The following F13A1 variants were observed in gnomAD, a reference collection of about 807,000 sequenced individuals.
F13A1 encodes FSF, A subunit.
In F13A1, 47 loss-of-function variants were observed where a neutral mutation model predicts 80.1. The observed-to-expected ratio is 0.59, with a 90% CI of 0.46 to 0.75. The LOEUF (loss-of-function observed/expected upper bound fraction) is 0.75, where lower values mean the gene tolerates loss of function less well. Among genes scored for constraint, F13A1 ranks in the 30% least tolerant of loss-of-function variants. The pLI is 0.00. For missense variants in F13A1, 817 were observed against 930.4 expected (o/e 0.88, Z 1.59); for synonymous variants, 349 against 344.9 (o/e 1.01, Z -0.13).
At chr6:6,291,092 A>G (rs1162391546) in intron 3 of F13A1, among the ~76,000 whole-genome samples, 2 of 152,120 alleles carry the variant, frequency 1.3e-5, no homozygotes, top group Non-Finnish European at 2.9e-5. Context: ...CTAAGACCCT[A>G]TAGCACCTGC....
At position 6,224,816 on chromosome 6, in the gene F13A1, G is replaced by A. The variant is rs953143347; in HGVS notation, c.843C>T (p.Asp281=). 1 of 1,614,058 alleles carries A rather than the reference G, an allele frequency of 6.2e-7. No individual in the cohort carries two copies. The highest frequency in any genetic ancestry group is 8.5e-7 in the Non-Finnish European group (1 of 1,179,966). The stretch of plus-strand genomic sequence containing the variant: ...GGGGGACGCCATAGGCATAGATATT[G>A]TCCCAGGATCCAACGAGGACACCTT... The part of the protein sequence containing the change: ...DDEGVLVGSW[D]NIYAYGVPPS... The change falls in exon 7 of 15, where the codon GAC becomes GAT. Residue 281 remains aspartate (D), a synonymous_variant. Transcript: ENST00000264870.
At chr6:6,164,417 A>G (rs751632586) in intron 13 of F13A1, among the ~76,000 whole-genome samples, 17 of 152,054 alleles carry the variant, frequency 1.1e-4, no homozygotes, top group Non-Finnish European at 2.1e-4. Context: ...ATGTAACAAT[A>G]TGTACAGCAA....
rs989678969 is a variant in F13A1 at position 6,318,802 on chromosome 6, C to T, written c.-18-120G>A. 27 of 1,081,796 alleles carry T rather than the reference C, an allele frequency of 2.5e-5. No homozygotes were observed. In the Middle Eastern group the frequency reaches 6.5e-4, roughly 26 times the overall value. 67.0% of individuals were successfully genotyped at this position (1,081,796 alleles called of 1,614,324 possible). ...TGTGTGTGATAGCACTTGAGCAACA[C>T]ATTTTGCCGTTTGCATAAATAAAAA... On this transcript the variant is annotated intron_variant, in intron 1 of 14. Transcript: ENST00000264870.
At chr6:6,160,172 G>C (rs1164958639) in intron 13 of F13A1, among the ~76,000 whole-genome samples, 1 of 151,258 alleles carries the variant, frequency 6.6e-6, no homozygotes, top group Non-Finnish European at 1.5e-5. Context: ...AGCTACTTGG[G>C]AGACTGAGGT....
chr6:6,231,030 C>G (rs1167957521), intron 6 of F13A1, among the ~76,000 whole-genome samples: 1 of 152,084 alleles, frequency 6.6e-6, no homozygotes, highest in African/African-American at 2.4e-5. Context: ...CAACACCCCC[C>G]AAAAATCACA....
At chr6:6,234,841 A>G (rs1404110792) in intron 6 of F13A1, among the ~76,000 whole-genome samples, 3 of 152,008 alleles carry the variant, frequency 2.0e-5, no homozygotes, top group Non-Finnish European at 4.4e-5. Context: ...CTTTCCTATT[A>G]AAGTAAAATT....
rs139780501 is a variant in F13A1 at position 6,157,186 on chromosome 6, T to G, written c.1909-5237A>C. Among the ~76,000 whole-genome samples the G allele has an allele frequency of 3.5e-3, 528 of 152,306 alleles. 4 individuals are homozygous for G. Among genetic ancestry groups the G allele is most frequent in the African/African-American group, 0.012 (481 of 41,570 alleles). On this transcript the variant is annotated intron_variant, in intron 13 of 14. Transcript: ENST00000264870. The stretch of plus-strand genomic sequence containing the variant: ...AGTGTTTACTTAGTAATGCAGGCAT[T>G]CTGTTCATCAGTTTACTTACACTAC...
chr6:6,226,353 C>T (rs1414288299), intron 6 of F13A1, among the ~76,000 whole-genome samples: 5 of 152,176 alleles, frequency 3.3e-5, no homozygotes, highest in African/African-American at 9.7e-5. Context: ...TCCCAGAACT[C>T]TTGAATAAGA....
chr6:6,294,562 G>A (rs531993547), intron 3 of F13A1, among the ~76,000 whole-genome samples: 4 of 149,024 alleles, frequency 2.7e-5, no homozygotes, highest in South Asian at 2.1e-4. Flanking sequence ...ATACACACAC[G>A]TATATGTACA....
intron 3 of F13A1, among the ~76,000 whole-genome samples, chr6:6,271,860 C>T (rs1217915769): frequency 6.6e-6 from 1 of 152,232 alleles, no homozygotes; most frequent in East Asian, 1.9e-4. Flanking sequence ...TGTCCCTTTA[C>T]TGAGGGCCTC....
At chr6:6,311,424 T>C (rs2755414) in intron 2 of F13A1, among the ~76,000 whole-genome samples, 110,238 of 150,948 alleles carry the variant, frequency 0.73, 40,623 homozygotes, top group East Asian at 0.86. Context: ...TGTTTCACAT[T>C]GGAATAAAAT....
chr6:6,173,438 C>T (rs1363065684), intron 12 of F13A1, among the ~76,000 whole-genome samples: 2 of 142,434 alleles, frequency 1.4e-5, no homozygotes, highest in African/African-American at 2.7e-5. Flanking sequence ...GACGGAGTAT[C>T]GCTCAGTCAC....
At chr6:6,239,544 A>G (rs1186573944) in intron 6 of F13A1, among the ~76,000 whole-genome samples, 1 of 152,192 alleles carries the variant, frequency 6.6e-6, no homozygotes, top group African/African-American at 2.4e-5. Flanking sequence ...GTCCTTTGGT[A>G]TATATATGAC....
chr6:6,224,987 CT>C, intron 6 of F13A1, 127 bp from the exon 7 acceptor site: 2 of 991,262 alleles, frequency 2.0e-6, no homozygotes, highest in Non-Finnish European at 1.6e-6. Context: ...AAGAGTTCCA[CT>C]TCTGTTCGGT....
intron 8 of F13A1, among the ~76,000 whole-genome samples, chr6:6,207,730 C>A (rs1044187620): frequency 2.0e-5 from 3 of 152,190 alleles, no homozygotes; most frequent in Non-Finnish European, 2.9e-5. Flanking sequence ...TTGGCTAAAG[C>A]TGGGGAGCTT....
intron 10 of F13A1, among the ~76,000 whole-genome samples, chr6:6,189,539 T>C (rs1254577783): frequency 1.4e-5 from 2 of 144,460 alleles, no homozygotes; most frequent in African/African-American, 4.9e-5. Flanking sequence ...TTTAAGAATG[T>C]TGAATATTGG....
chr6:6,192,078 A>G (rs1270879960), intron 10 of F13A1, among the ~76,000 whole-genome samples: 1 of 152,210 alleles, frequency 6.6e-6, no homozygotes, highest in African/African-American at 2.4e-5. Flanking sequence ...TAGCAAAAGG[A>G]GCAGTATGTC....
intron 3 of F13A1, among the ~76,000 whole-genome samples, chr6:6,298,960 T>A (rs1447518205): frequency 6.7e-6 from 1 of 148,624 alleles, no homozygotes; most frequent in Non-Finnish European, 1.5e-5. Flanking sequence ...ACAAAATCTC[T>A]TAGCATTTGC....
At chr6:6,297,002 A>T (rs1379555012) in intron 3 of F13A1, among the ~76,000 whole-genome samples, 1 of 147,010 alleles carries the variant, frequency 6.8e-6, no homozygotes, top group African/African-American at 2.7e-5. Flanking sequence ...CTATTGAGAT[A>T]ATCATGTGGT....
Sources: allele counts gnomAD v4.1 joint callset (sites outside exome capture counted in the v4.1 genomes callset), GRCh38; gene constraint gnomAD v4.1.1; transcripts MANE v1.5; gene names NCBI Gene and HGNC (gene_info 2026-07-23, HGNC 2026-07-21).